NRG3: variants seen among roughly 807,000 people sequenced by gnomAD.
NRG3 encodes the protein neuregulin 3.
In NRG3, 31 loss-of-function variants were observed where a neutral mutation model predicts 66.9. The observed-to-expected ratio is 0.46, with a 90% CI of 0.35 to 0.63. The LOEUF is 0.63. NRG3 is among the 20% of genes least tolerant of loss of function. The probability of loss-of-function intolerance (pLI) is 0.00; values close to 1 mark genes in which losing one functional copy is unlikely to be tolerated. For missense variants in NRG3, 910 were observed against 878.9 expected (o/e 1.04, Z -0.45); for synonymous variants, 393 against 359.4 (o/e 1.09, Z -1.06).
At chr10:82,488,596 C>T (rs59035744) in intron 2 of NRG3, among the ~76,000 whole-genome samples, 2,178 of 152,156 alleles carry the variant, frequency 0.014, 55 homozygotes, top group African/African-American at 0.05. Flanking sequence ...GGATTTCTTT[C>T]CAACAACAGT....
At position 82,638,832 on chromosome 10, in the gene NRG3, C is replaced by A. The variant is rs375121544; in HGVS notation, c.954-99745C>A. On this transcript the variant is annotated intron_variant, in intron 2 of 8. Coordinates refer to ENST00000372141, the MANE Select transcript of NRG3 (RefSeq NM_001010848.4). ...CAGCTAATTTGTGTATTTTTAGTAG[C>A]GACAGGGTTTCACCATGTTGGCCAG... 2.0e-4 allele frequency among the ~76,000 whole-genome samples: 30 copies of A among 152,048 alleles called. No homozygotes were observed. The East Asian group carries it at 3.7e-3, about 19-fold the overall frequency.
intron 3 of NRG3, among the ~76,000 whole-genome samples, chr10:82,792,653 AT>A (rs1005831147): frequency 2.6e-5 from 4 of 151,712 alleles, no homozygotes; most frequent in African/African-American, 4.8e-5. Context: ...TGATTTAATT[AT>A]TTTTTTATTT....
chr10:82,583,892 C>T (rs1017678038), intron 2 of NRG3, among the ~76,000 whole-genome samples: 7 of 152,114 alleles, frequency 4.6e-5, no homozygotes, highest in Non-Finnish European at 7.4e-5. Context: ...CACCCCTGGG[C>T]CTTGCAGCCA....
At chr10:82,855,253 A>G (rs1175181721) in intron 3 of NRG3, among the ~76,000 whole-genome samples, 2 of 152,218 alleles carry the variant, frequency 1.3e-5, no homozygotes, top group Non-Finnish European at 2.9e-5. Context: ...CAAGGCTTCA[A>G]TCATTAGTAT....
chr10:82,069,113 T>C (rs1250443736), intron 1 of NRG3, among the ~76,000 whole-genome samples: 1 of 152,202 alleles, frequency 6.6e-6, no homozygotes, highest in African/African-American at 2.4e-5. Context: ...CCCATTCCTC[T>C]TGTTACTGTC....
At chr10:82,154,608 G>A (rs1048686861) in intron 1 of NRG3, among the ~76,000 whole-genome samples, 7 of 151,426 alleles carry the variant, frequency 4.6e-5, no homozygotes, top group Non-Finnish European at 1.0e-4. Context: ...TGTGAAAAAT[G>A]CCATTGGAAT....
intron 1 of NRG3, among the ~76,000 whole-genome samples, chr10:82,121,990 A>T (rs75549040): frequency 0.017 from 2,622 of 152,142 alleles, 84 homozygotes; most frequent in African/African-American, 0.059. Flanking sequence ...CCAAGCAGGA[A>T]TATATGTTTT....
chr10:82,213,394 C>A (rs1048599960), intron 1 of NRG3, among the ~76,000 whole-genome samples: 1 of 152,044 alleles, frequency 6.6e-6, no homozygotes, highest in Admixed American at 6.5e-5. Context: ...GTTTCATGCA[C>A]AATAAATATT....
intron 1 of NRG3, among the ~76,000 whole-genome samples, chr10:81,942,459 A>G (rs1372145152): frequency 6.6e-6 from 1 of 152,150 alleles, no homozygotes; most frequent in Non-Finnish European, 1.5e-5. Context: ...CACCCCCTCT[A>G]TAATTAGGTG....
At chr10:82,647,612 G>T (rs1458601677) in intron 2 of NRG3, among the ~76,000 whole-genome samples, 1 of 151,538 alleles carries the variant, frequency 6.6e-6, no homozygotes, top group East Asian at 1.9e-4. Flanking sequence ...CTAGTTTACA[G>T]TCCCACCAAC....
chr10:81,895,986 C>A (rs558534221), intron 1 of NRG3, among the ~76,000 whole-genome samples: 1 of 152,016 alleles, frequency 6.6e-6, no homozygotes, highest in Non-Finnish European at 1.5e-5. Context: ...GAGCTAATTG[C>A]GGGATTTAAA....
intron 2 of NRG3, among the ~76,000 whole-genome samples, chr10:82,732,975 AC>A (rs1159349131): frequency 1.3e-5 from 2 of 152,176 alleles, no homozygotes; most frequent in Admixed American, 1.3e-4. Flanking sequence ...TATATTACTG[AC>A]CATGTTTCTA....
At chr10:82,683,083 T>C (rs2054235994) in intron 2 of NRG3, among the ~76,000 whole-genome samples, 1 of 148,704 alleles carries the variant, frequency 6.7e-6, no homozygotes, top group South Asian at 2.2e-4. Context: ...CTTAGCCTCC[T>C]GAACAGCTGA....
intron 3 of NRG3, among the ~76,000 whole-genome samples, chr10:82,850,713 C>CG (rs2063520279): frequency 7.3e-6 from 1 of 137,872 alleles, no homozygotes; most frequent in South Asian, 2.3e-4. Flanking sequence ...TTTTTAAGAG[C>CG]AAAAAAAAAA....
intron 1 of NRG3, among the ~76,000 whole-genome samples, chr10:82,010,643 A>G (rs2061539575): frequency 6.6e-6 from 1 of 152,158 alleles, no homozygotes; most frequent in Non-Finnish European, 1.5e-5. Flanking sequence ...ATCAACAAAA[A>G]CGCTGCTTCT....
chr10:82,526,056 G>C (rs368342045), intron 2 of NRG3, among the ~76,000 whole-genome samples: 1 of 151,900 alleles, frequency 6.6e-6, no homozygotes, highest in Non-Finnish European at 1.5e-5. Flanking sequence ...TAGTTGACTG[G>C]GTGGACACAG....
intron 1 of NRG3, among the ~76,000 whole-genome samples, chr10:82,286,304 A>G (rs1213128660): frequency 6.6e-6 from 1 of 152,134 alleles, no homozygotes; most frequent in African/African-American, 2.4e-5. Flanking sequence ...GTTACATTTA[A>G]CATTTCATGA....
intron 1 of NRG3, among the ~76,000 whole-genome samples, chr10:82,351,045 C>T (rs960136306): frequency 1.4e-4 from 21 of 152,154 alleles, no homozygotes; most frequent in African/African-American, 4.8e-4. Context: ...GCGCCCGCCA[C>T]CATGCCTGGC....
At chr10:82,935,635 T>A (rs1257657630) in intron 4 of NRG3, among the ~76,000 whole-genome samples, 1 of 151,978 alleles carries the variant, frequency 6.6e-6, no homozygotes, top group East Asian at 1.9e-4. Flanking sequence ...TCTTTTTTTT[T>A]AAACGGAGTC....
Sources: allele counts gnomAD v4.1 joint callset (sites outside exome capture counted in the v4.1 genomes callset), GRCh38; gene constraint gnomAD v4.1.1; transcripts MANE v1.5; gene names NCBI Gene and HGNC (gene_info 2026-07-23, HGNC 2026-07-21).